Variants in PCDHGA3 observed in about 807,000 individuals in gnomAD.
The protein encoded by PCDHGA3 is protocadherin gamma-A3.
A neutral mutation model predicts 58.5 loss-of-function variants in PCDHGA3; 40 were observed. That is an observed-to-expected ratio of 0.68 (90% CI 0.53 to 0.89). The LOEUF (loss-of-function observed/expected upper bound fraction) is 0.89. Ranked by LOEUF, PCDHGA3 falls within the 40% of genes least tolerant of loss-of-function variation. The pLI is 0.00. For missense variants in PCDHGA3, 1,223 were observed against 1,195.9 expected, an observed-to-expected ratio of 1.02 and a Z score of -0.33; for synonymous variants, 530 against 525.7, an observed-to-expected ratio of 1.01 and a Z score of -0.11.
chr5:141,447,852 G>A (rs375081279), intron 1 of PCDHGA3, among the ~76,000 whole-genome samples: 2 of 152,144 alleles, frequency 1.3e-5, no homozygotes, highest in East Asian at 3.9e-4. Context: ...TTGGGAGGCC[G>A]AGGTGGGTGA....
intron 1 of PCDHGA3, among the ~76,000 whole-genome samples, chr5:141,475,341 C>T (rs1306106224): frequency 6.6e-6 from 1 of 152,162 alleles, no homozygotes; most frequent in Non-Finnish European, 1.5e-5. Context: ...CAATGACATC[C>T]AGTTTTAAAA....
At chr5:141,376,728 G>A (rs1773296004) in intron 1 of PCDHGA3, 1 of 538,000 alleles carries the variant, frequency 1.9e-6, no homozygotes, top group Non-Finnish European at 3.1e-6. Context: ...CGCCCAGGCC[G>A]GACTGCGGAC....
chr5:141,374,326 C>A, intron 1 of PCDHGA3: 1 of 1,613,980 alleles, frequency 6.2e-7, no homozygotes, highest in Non-Finnish European at 8.5e-7. Context: ...ATCCGCGAAA[C>A]GGCAGCTTGG....
rs769801850 is a variant in PCDHGA3 at position 141,371,052 on chromosome 5, C to G, written c.2424+24595C>G. On this transcript the variant is annotated intron_variant, in intron 1 of 3. Coordinates refer to ENST00000253812, the MANE Select transcript of PCDHGA3 (RefSeq NM_018916.4). The stretch of plus-strand genomic sequence containing the variant: ...CCTCACAGCTGTGGATGGGGGCGAG[C>G]CCTCCAGAAGCTGTACCACCCAGAT... 6.0e-5 allele frequency: 97 copies of G among 1,613,842 alleles called. No individual in the cohort carries two copies. The South Asian group carries it at 1.1e-3, about 18-fold the overall frequency.
intron 1 of PCDHGA3, among the ~76,000 whole-genome samples, chr5:141,387,359 C>A (rs2150333777): frequency 6.6e-6 from 1 of 152,208 alleles, no homozygotes; most frequent in East Asian, 1.9e-4. Flanking sequence ...TAGGCCAAGT[C>A]TGTGTTATGG....
At chr5:141,409,464 C>A in intron 1 of PCDHGA3, 1 of 1,613,940 alleles carries the variant, frequency 6.2e-7, no homozygotes, top group South Asian at 1.1e-5. Context: ...TACAATGTCA[C>A]CATCGTAGCC....
intron 1 of PCDHGA3, chr5:141,366,678 A>G (rs1764735373): frequency 1.9e-6 from 3 of 1,614,146 alleles, no homozygotes; most frequent in East Asian, 2.2e-5. Context: ...CTTAGTGAAG[A>G]GAGCTGTGAG....
chr5:141,357,542 GC>G lies in PCDHGA3; in HGVS notation c.2424+11087del, dbSNP rs1561515145. The stretch of plus-strand genomic sequence containing the variant: ...CCCAGCTATGCAGACACGCTCATCA[GC>G]CGGGAGAGTTGTGAGAAAAGCGAGC... On this transcript the variant is annotated intron_variant, in intron 1 of 3. Transcript: ENST00000253812. The G allele has an allele frequency of 2.5e-6, 4 of 1,614,210 alleles. No homozygotes were observed. In the East Asian group the frequency reaches 8.9e-5, roughly 36 times the overall value.
intron 1 of PCDHGA3, chr5:141,422,609 A>G: frequency 6.2e-7 from 1 of 1,613,882 alleles, no homozygotes; most frequent in Non-Finnish European, 8.5e-7. Context: ...TACTCTGCCT[A>G]CATTCCCGAA....
intron 1 of PCDHGA3, chr5:141,350,934 T>C: frequency 3.1e-6 from 5 of 1,614,102 alleles, no homozygotes; most frequent in Admixed American, 1.7e-5. Context: ...ACCACCCATA[T>C]CTGGATCCGA....
rs1185679701 is a variant in PCDHGA3, at chr5:141,511,384, G to A, written c.*211G>A. On this transcript the variant is annotated 3_prime_UTR_variant, in exon 4 of 4. Coordinates refer to ENST00000253812, the MANE Select transcript of PCDHGA3 (RefSeq NM_018916.4). ...TTGAATATGCAAAAGCAGTTCCGCT[G>A]GGAACCCCCATCCAATCAACTGCTG... is the stretch of plus-strand genomic sequence containing the variant. 3.5e-6 allele frequency: 4 copies of A among 1,154,490 alleles called. No homozygotes were observed. Among genetic ancestry groups the A allele is most frequent in the Admixed American group, 2.9e-5 (1 of 34,748 alleles). 71.5% of individuals were successfully genotyped at this position (1,154,490 alleles called of 1,614,324 possible). A position where few individuals can be genotyped will look rare whatever the true frequency, so the allele number is the denominator to read the frequency against.
At chr5:141,354,532 G>C (rs1415813950) in intron 1 of PCDHGA3, among the ~76,000 whole-genome samples, 1 of 152,212 alleles carries the variant, frequency 6.6e-6, no homozygotes, top group Non-Finnish European at 1.5e-5. Context: ...CATTGCCCCA[G>C]GTTCTAGAGG....
Position 141,486,690 on chromosome 5 carries a change from C to G in PCDHGA3, c.2425-8117C>G. ...AGGAATCGAGATGTATCAGCTTCCTCTTTCATCTCTCTGAACCCCCAGACA... is the reference window on the plus strand; with the variant it reads ...AGGAATCGAGATGTATCAGCTTCCTGTTTCATCTCTCTGAACCCCCAGACA... On this transcript the variant is annotated intron_variant, in intron 1 of 3. Coordinates refer to ENST00000253812, the MANE Select transcript of PCDHGA3 (RefSeq NM_018916.4). The surrounding 1 kb of genome is among the most constrained non-coding windows in gnomAD (Gnocchi z 5.0). 3 of 1,614,144 alleles carry G rather than the reference C, an allele frequency of 1.9e-6. No individual in the cohort carries two copies. The highest frequency in any genetic ancestry group is 2.5e-6 in the Non-Finnish European group (3 of 1,180,036).
At chr5:141,464,056 G>C (rs2154568334) in intron 1 of PCDHGA3, among the ~76,000 whole-genome samples, 1 of 152,210 alleles carries the variant, frequency 6.6e-6, no homozygotes, top group East Asian at 1.9e-4. Context: ...CCTGAGGTCA[G>C]GAGTTCAAGG....
Position 141,389,969 on chromosome 5 carries a change from C to T in PCDHGA3, c.2424+43512C>T, listed in dbSNP as rs762168749. 10 of 1,614,042 alleles carry T rather than the reference C, an allele frequency of 6.2e-6. No individual in the cohort carries two copies. In the South Asian group the frequency reaches 1.1e-4, roughly 18 times the overall value. On this transcript the variant is annotated intron_variant, in intron 1 of 3. Coordinates refer to ENST00000253812, the MANE Select transcript of PCDHGA3 (RefSeq NM_018916.4). ...AGTTTTACCTAGTGGTGGCCTTGGC[C>T]TTGATCTCAGTGCTCTTCCTCGTGG...
chr5:141,434,026 A>G (rs2154556044), intron 1 of PCDHGA3, among the ~76,000 whole-genome samples: 1 of 152,236 alleles, frequency 6.6e-6, no homozygotes, highest in Admixed American at 6.5e-5. Flanking sequence ...TGATTCTGGA[A>G]GCATGGTTTT....
chr5:141,473,116 G>A (rs966472502), intron 1 of PCDHGA3, among the ~76,000 whole-genome samples: 19 of 152,114 alleles, frequency 1.2e-4, no homozygotes, highest in African/African-American at 4.6e-4. Context: ...ACTTTACTTG[G>A]CTCTTTGGCA....
intron 1 of PCDHGA3, among the ~76,000 whole-genome samples, chr5:141,454,194 G>A (rs949915652): frequency 6.6e-5 from 10 of 152,304 alleles, no homozygotes; most frequent in Non-Finnish European, 4.4e-5. Context: ...CTTAGTGAAG[G>A]TGAATTTATT....
intron 1 of PCDHGA3, 91 bp downstream of exon 1, chr5:141,346,548 C>T: frequency 6.5e-7 from 1 of 1,526,898 alleles, no homozygotes; most frequent in Non-Finnish European, 8.9e-7. Flanking sequence ...AGAAATAAAG[C>T]CATGAGGTTG....
Sources: gnomAD v4.1 joint callset for allele counts (sites outside exome capture counted in the v4.1 genomes callset) on GRCh38, gnomAD v4.1.1 for gene constraint, Gnocchi (gnomAD v3.1) non-coding constraint, MANE v1.5 for transcripts, NCBI Gene and HGNC (gene_info 2026-07-23, HGNC 2026-07-21) for gene names.